SUPT3H: variants seen among roughly 807,000 people sequenced by gnomAD.
The protein encoded by SUPT3H is transcription initiation protein SPT3 homolog.
Under a neutral mutation model 44.3 loss-of-function variants are expected in SUPT3H, and 44 were observed. That is an observed-to-expected ratio of 0.99 (90% CI 0.78 to 1.28). The LOEUF (loss-of-function observed/expected upper bound fraction) is 1.28, where lower values mean the gene tolerates loss of function less well. SUPT3H is among the 50% of genes most tolerant of loss of function. SUPT3H has a pLI of 0.00. For missense variants in SUPT3H, 380 were observed against 387.1 expected (o/e 0.98, Z 0.15); for synonymous variants, 124 against 125.6 (o/e 0.99, Z 0.09).
intron 9 of SUPT3H, among the ~76,000 whole-genome samples, chr6:44,946,759 C>T (rs184546895): frequency 1.8e-3 from 272 of 152,234 alleles, no homozygotes; most frequent in African/African-American, 6.4e-3. Flanking sequence ...ACAAAAACTC[C>T]TACAAAGGAC....
At chr6:45,356,002 T>C (rs1420828696) in intron 2 of SUPT3H, among the ~76,000 whole-genome samples, 1 of 152,132 alleles carries the variant, frequency 6.6e-6, no homozygotes, top group Non-Finnish European at 1.5e-5. Context: ...CTACTAGCCA[T>C]GGCAAAAACT....
intron 2 of SUPT3H, among the ~76,000 whole-genome samples, chr6:45,143,838 G>A (rs545908112): frequency 2.6e-4 from 40 of 151,984 alleles, no homozygotes; most frequent in African/African-American, 9.2e-4. Flanking sequence ...ATCCAAATAA[G>A]CTCAATTAGA....
At chr6:45,013,467 G>T (rs923886252) in intron 5 of SUPT3H, among the ~76,000 whole-genome samples, 1 of 152,032 alleles carries the variant, frequency 6.6e-6, no homozygotes, top group African/African-American at 2.4e-5. Flanking sequence ...GCTGAGGGTG[G>T]ACCTGCAATT....
chr6:45,279,235 C>T (rs1027655168), intron 2 of SUPT3H, among the ~76,000 whole-genome samples: 1 of 151,928 alleles, frequency 6.6e-6, no homozygotes, highest in South Asian at 2.1e-4. Context: ...TACCATGTGA[C>T]CAGTAAGCAT....
At chr6:44,910,094 G>C (rs1766773275) in intron 10 of SUPT3H, among the ~76,000 whole-genome samples, 1 of 152,048 alleles carries the variant, frequency 6.6e-6, no homozygotes, top group Non-Finnish European at 1.5e-5. Context: ...GCTCCAGTTG[G>C]GCCTATTTCC....
At chr6:45,280,109 G>A (rs1327788226) in intron 2 of SUPT3H, among the ~76,000 whole-genome samples, 4 of 151,992 alleles carry the variant, frequency 2.6e-5, no homozygotes, top group Non-Finnish European at 5.9e-5. Context: ...CTCTTCTACT[G>A]CAAAAATATG....
rs767155769 is a variant in SUPT3H, at chr6:44,827,013, A to AAAGT, written c.*2799_*2802dup. Among the ~76,000 whole-genome samples the AAAGT allele has an allele frequency of 6.6e-6, 1 of 152,336 alleles. No individual in the cohort carries two copies. Among genetic ancestry groups the AAAGT allele is most frequent in the Non-Finnish European group, 1.5e-5 (1 of 68,002 alleles). On this transcript the variant is annotated 3_prime_UTR_variant, in exon 11 of 11. Transcript: ENST00000371459. ...ATAACCCTCTAAATGGCACGTTCAG[A>AAAGT]AAGTTATACTTCCAAATTTAGGTGA...
intron 2 of SUPT3H, among the ~76,000 whole-genome samples, chr6:45,146,455 TAA>T (rs1562549420): frequency 6.6e-6 from 1 of 151,968 alleles, no homozygotes; most frequent in Non-Finnish European, 1.5e-5. Context: ...GGGTAAGGGA[TAA>T]AAGAGTATAC....
chr6:44,913,269 C>A (rs927120087), intron 10 of SUPT3H, among the ~76,000 whole-genome samples: 1 of 152,106 alleles, frequency 6.6e-6, no homozygotes, highest in Non-Finnish European at 1.5e-5. Flanking sequence ...GAATTCTTCT[C>A]TTTTTCCCAA....
chr6:44,958,009 C>G (rs1230102783), intron 7 of SUPT3H, among the ~76,000 whole-genome samples: 1 of 152,128 alleles, frequency 6.6e-6, no homozygotes, highest in East Asian at 1.9e-4. Context: ...GTAGTTAAGA[C>G]AGTTTGTTTT....
intron 3 of SUPT3H, among the ~76,000 whole-genome samples, chr6:45,027,394 T>C (rs1384846414): frequency 6.6e-6 from 1 of 152,158 alleles, no homozygotes; most frequent in Non-Finnish European, 1.5e-5. Context: ...GTTTCCTTTT[T>C]AGTTGATGAG....
chr6:45,231,680 A>C (rs886759895), intron 2 of SUPT3H, among the ~76,000 whole-genome samples: 1 of 152,202 alleles, frequency 6.6e-6, no homozygotes, highest in African/African-American at 2.4e-5. Context: ...TTGTTTAATA[A>C]GTTTCCGAAC....
intron 3 of SUPT3H, among the ~76,000 whole-genome samples, chr6:45,070,514 C>T (rs773530998): frequency 9.2e-5 from 14 of 151,722 alleles, no homozygotes; most frequent in Non-Finnish European, 1.9e-4. Context: ...CAGAGGCAGA[C>T]GGATCACCTA....
At chr6:45,098,977 A>G in intron 3 of SUPT3H, 1 of 425,144 alleles carries the variant, frequency 2.4e-6, no homozygotes, top group South Asian at 1.8e-5. Flanking sequence ...TCTGGGATCC[A>G]GCTACAGCCT....
intron 9 of SUPT3H, among the ~76,000 whole-genome samples, chr6:44,948,682 C>G (rs1049283987): frequency 6.6e-6 from 1 of 152,060 alleles, no homozygotes; most frequent in African/African-American, 2.4e-5. Flanking sequence ...AAATCAAAAC[C>G]ACAATGAGAT....
At chr6:45,347,011 TA>T (rs1791018075) in intron 2 of SUPT3H, among the ~76,000 whole-genome samples, 1 of 152,074 alleles carries the variant, frequency 6.6e-6, no homozygotes, top group African/African-American at 2.4e-5. Context: ...GAAAATGCCT[TA>T]AAAATAACTT....
At chr6:44,832,221 C>T (rs748388749) in intron 10 of SUPT3H, among the ~76,000 whole-genome samples, 12 of 152,250 alleles carry the variant, frequency 7.9e-5, no homozygotes, top group South Asian at 4.1e-4. Flanking sequence ...CTCATCTTCA[C>T]GTCAACTGTA....
rs184453178 is a variant in SUPT3H at position 45,095,540 on chromosome 6, C to T, written c.186+10382G>A. On this transcript the variant is annotated intron_variant, in intron 3 of 10. Transcript: ENST00000371459. The surrounding 1 kb of genome is among the most constrained non-coding windows in gnomAD (Gnocchi z 4.1). The stretch of plus-strand genomic sequence containing the variant: ...ACTTTTCATAATTAAGGAGAATTAG[C>T]TAAACATGATAAATTGGTTCTGATG... Among the ~76,000 whole-genome samples the T allele has an allele frequency of 1.3e-5, 2 of 152,192 alleles. No homozygotes were observed. Among genetic ancestry groups the T allele is most frequent in the Admixed American group, 1.3e-4 (2 of 15,284 alleles).
At chr6:45,097,372 G>A (rs1284989) in intron 3 of SUPT3H, 132,497 of 152,254 alleles carry the variant, frequency 0.87, 57,901 homozygotes, top group African/African-American at 0.91. Flanking sequence ...AGAGAAGTCC[G>A]TGCCCTGAAG....
Sources: gnomAD v4.1 joint callset for allele counts (sites outside exome capture counted in the v4.1 genomes callset) on GRCh38, gnomAD v4.1.1 for gene constraint, Gnocchi (gnomAD v3.1) non-coding constraint, MANE v1.5 for transcripts, NCBI Gene and HGNC (gene_info 2026-07-23, HGNC 2026-07-21) for gene names.